Variants in TECPR2 observed in about 807,000 individuals in gnomAD.
TECPR2 encodes the protein tectonin beta-propeller repeat containing 2.
TECPR2 carries 65 observed loss-of-function variants against 138.1 expected under a neutral mutation model. The ratio of observed to expected loss-of-function variants is 0.47; its 90% CI spans 0.39 to 0.58. TECPR2 has a LOEUF of 0.58. Among genes scored for constraint, TECPR2 ranks in the 20% least tolerant of loss-of-function variants. The probability of loss-of-function intolerance (pLI) is 0.00; values close to 1 mark genes in which losing one functional copy is unlikely to be tolerated. For missense variants in TECPR2, 1,553 were observed against 1,824.5 expected (o/e 0.85, Z 2.71); for synonymous variants, 746 against 749.8 (o/e 0.99, Z 0.08).
intron 16 of TECPR2, among the ~76,000 whole-genome samples, chr14:102,453,697 A>G (rs1389641992): frequency 6.6e-6 from 1 of 152,036 alleles, no homozygotes; most frequent in African/African-American, 2.4e-5. Context: ...AGCAGGACTG[A>G]CTTAGGAACT....
rs1368439460 is a variant in TECPR2, at chr14:102,432,427, A to ATTTAT, written c.1417+303_1417+307dup. 5.3e-5 allele frequency among the ~76,000 whole-genome samples: 8 copies of ATTTAT among 152,038 alleles called. No individual in the cohort carries two copies. The Middle Eastern group carries it at 0.01, about 197-fold the overall frequency. The stretch of plus-strand genomic sequence containing the variant: ...ATTTATTTATGTATTTATATTATTT[A>ATTTAT]TTTATTTTTTGCGACAGAGTTTCGC... On this transcript the variant is annotated intron_variant, in intron 8 of 19. Transcript: ENST00000359520.
intron 16 of TECPR2, among the ~76,000 whole-genome samples, chr14:102,453,363 T>C (rs762172194): frequency 5.9e-5 from 9 of 151,706 alleles, no homozygotes; most frequent in Non-Finnish European, 1.2e-4. Context: ...GCCTGTAGTC[T>C]CAGCTACTCA....
intron 8 of TECPR2, among the ~76,000 whole-genome samples, chr14:102,433,416 C>T (rs1193201051): frequency 1.3e-5 from 2 of 152,058 alleles, no homozygotes; most frequent in Non-Finnish European, 2.9e-5. Context: ...TTTTCTGTTC[C>T]TGTTGCATTA....
rs576370336 is a variant in TECPR2 at position 102,364,356 on chromosome 14, AC to A, written c.-73+1241del. 9.8e-5 allele frequency among the ~76,000 whole-genome samples: 15 copies of A among 152,318 alleles called. No individual in the cohort carries two copies. The South Asian group carries it at 2.7e-3, about 27-fold the overall frequency. On this transcript the variant is annotated intron_variant, in intron 1 of 19. Transcript: ENST00000359520. ...GTTGTTGTTGTTGTTAACCTGACTTACGTCCCATATTGGTGGTTATTTGGCC... is the reference window on the plus strand; with the variant it reads ...GTTGTTGTTGTTGTTAACCTGACTTAGTCCCATATTGGTGGTTATTTGGCC...
At chr14:102,370,750 G>A (rs8013822) in intron 1 of TECPR2, among the ~76,000 whole-genome samples, 6,076 of 152,304 alleles carry the variant, frequency 0.04, 139 homozygotes, top group Middle Eastern at 0.088. Context: ...GGATGACGGG[G>A]AGGGAGAGGC....
chr14:102,483,650 C>A (rs1890946775), intron 17 of TECPR2, among the ~76,000 whole-genome samples: 2 of 151,836 alleles, frequency 1.3e-5, no homozygotes, highest in Admixed American at 6.6e-5. Context: ...CACTATATTG[C>A]CCAGGCTGCT....
intron 16 of TECPR2, among the ~76,000 whole-genome samples, chr14:102,463,541 A>T (rs920085837): frequency 1.3e-5 from 2 of 151,656 alleles, no homozygotes; most frequent in East Asian, 1.9e-4. Context: ...CAAAAAAAAT[A>T]AAAAAGCAGT....
chr14:102,425,966 C>T (rs1372773358), intron 6 of TECPR2, among the ~76,000 whole-genome samples: 1 of 149,206 alleles, frequency 6.7e-6, no homozygotes, highest in Non-Finnish European at 1.5e-5. Context: ...CTCACTGCAA[C>T]CTCCACCTCC....
intron 6 of TECPR2, among the ~76,000 whole-genome samples, chr14:102,426,587 C>CGTAA (rs1244710722): frequency 6.6e-6 from 1 of 151,964 alleles, no homozygotes; most frequent in African/African-American, 2.4e-5. Context: ...CAGTGGCTTA[C>CGTAA]GCCTGTAATC....
At chr14:102,463,418 A>C (rs1363255861) in intron 16 of TECPR2, among the ~76,000 whole-genome samples, 1 of 138,512 alleles carries the variant, frequency 7.2e-6, no homozygotes, top group Non-Finnish European at 1.5e-5. Context: ...CTCCGTCTCA[A>C]AAAAAAAAAA....
intron 2 of TECPR2, among the ~76,000 whole-genome samples, chr14:102,398,612 A>G (rs1463480226): frequency 6.6e-6 from 1 of 152,204 alleles, no homozygotes; most frequent in Non-Finnish European, 1.5e-5. Context: ...CTGTAATCCC[A>G]GCACTTTGGG....
Position 102,414,686 on chromosome 14 carries a change from G to T in TECPR2, c.531G>T (p.Gln177His), listed in dbSNP as rs1428893711. 1.9e-6 allele frequency: 3 copies of T among 1,614,228 alleles called. No individual in the cohort carries two copies. The highest frequency in any genetic ancestry group is 1.3e-5 in the African/African-American group (1 of 75,054). Residue 177 changes from glutamine (Q) to histidine (H), a missense_variant, in exon 5 of 20, where the codon CAG (glutamine) becomes CAT (histidine). Physicochemically the swap from Gln to His is conservative, Grantham distance 24. Coordinates refer to ENST00000359520, the MANE Select transcript of TECPR2 (RefSeq NM_014844.5). Reference sequence around the variant, plus strand: ...TGGAGGAGCCATCTTCCATTGTGCAGCTGGATTATAGCCAGAAAGTGCTGC... The same window carrying T: ...TGGAGGAGCCATCTTCCATTGTGCATCTGGATTATAGCCAGAAAGTGCTGC... Reference protein sequence around the residue: ...LVLEEPSSIVQLDYSQKVLLV... With the variant: ...LVLEEPSSIVHLDYSQKVLLV...
At chr14:102,463,343 G>A (rs1042464843) in intron 16 of TECPR2, among the ~76,000 whole-genome samples, 1 of 150,942 alleles carries the variant, frequency 6.6e-6, no homozygotes, top group Non-Finnish European at 1.5e-5. Context: ...CGTGAACCCG[G>A]GAGGCGGAGC....
chr14:102,383,398 C>CTTTTTTGTTTTTTTTGTT (rs559517532), intron 2 of TECPR2, among the ~76,000 whole-genome samples: 20 of 151,326 alleles, frequency 1.3e-4, no homozygotes, highest in Admixed American at 7.9e-4. Context: ...ATTGTATTGT[C>CTTTTTTGTTTTTTTTGTT]TTTTTTGTTT....
chr14:102,409,413 C>T (rs1393351462), intron 4 of TECPR2, among the ~76,000 whole-genome samples: 1 of 151,962 alleles, frequency 6.6e-6, no homozygotes, highest in East Asian at 1.9e-4. Context: ...GATTCTGCCA[C>T]CTCAGCCTCG....
intron 16 of TECPR2, among the ~76,000 whole-genome samples, chr14:102,453,106 G>A (rs966920249): frequency 6.6e-6 from 1 of 152,206 alleles, no homozygotes; most frequent in African/African-American, 2.4e-5. Context: ...GCCAGATATA[G>A]GAGGACCTGC....
chr14:102,428,585 AC>A (rs1889389389), intron 7 of TECPR2, among the ~76,000 whole-genome samples: 1 of 151,326 alleles, frequency 6.6e-6, no homozygotes, highest in South Asian at 2.1e-4. Flanking sequence ...ACATGGTAAA[AC>A]CCTGTCTCTA....
rs898858285 is a variant in TECPR2 at position 102,434,928 on chromosome 14, A to G, written c.2111A>G (p.Asp704Gly). The G allele has an allele frequency of 2.5e-6, 4 of 1,613,800 alleles. No homozygotes were observed. Among genetic ancestry groups the G allele is most frequent in the Admixed American group, 1.7e-5 (1 of 60,006 alleles). Residue 704 changes from aspartate to glycine, a missense_variant, in exon 9 of 20, where the codon GAT (aspartate) becomes GGT (glycine). Transcript: ENST00000359520. ...AATCTCTGGCATGCTGTCACTGATG[A>G]TGACACAGGTCAGAAAGAAATACCC... The part of the protein sequence containing the change: ...STNLWHAVTD[D>G]DTGQKEIPIS...
chr14:102,466,722 C>T (rs1740214697), intron 17 of TECPR2, among the ~76,000 whole-genome samples: 1 of 152,150 alleles, frequency 6.6e-6, no homozygotes, highest in African/African-American at 2.4e-5. Context: ...GTGGCTTTAG[C>T]ATCAGTTAGC....
Sources: allele counts gnomAD v4.1 joint callset (sites outside exome capture counted in the v4.1 genomes callset), GRCh38; gene constraint gnomAD v4.1.1; transcripts MANE v1.5; gene names NCBI Gene and HGNC (gene_info 2026-07-23, HGNC 2026-07-21).